The following LRRC38 variants were observed in gnomAD, a reference collection of about 807,000 sequenced individuals.
LRRC38 encodes leucine rich repeat containing 38.
LRRC38 carries 5 observed loss-of-function variants against 16.4 expected under a neutral mutation model. That is an observed-to-expected ratio of 0.31 (90% confidence interval 0.16 to 0.64). The LOEUF is 0.64. Ranked by LOEUF, LRRC38 falls within the 30% of genes least tolerant of loss-of-function variation. LRRC38 has a pLI of 0.80. For missense variants in LRRC38, 341 were observed against 401.8 expected, an observed-to-expected ratio of 0.85 and a Z score of 1.29; for synonymous variants, 191 against 190.2, an observed-to-expected ratio of 1.00 and a Z score of -0.04.
intron 1 of LRRC38, among the ~76,000 whole-genome samples, chr1:13,486,787 C>T (rs1434197710): frequency 1.3e-5 from 2 of 152,178 alleles, no homozygotes; most frequent in South Asian, 2.1e-4. Flanking sequence ...GACGAGATTT[C>T]GCCATGTTGC....
chr1:13,513,695 G>T lies in LRRC38; in HGVS notation c.-102C>A. On this transcript the variant is annotated 5_prime_UTR_variant, in exon 1 of 2. Transcript: ENST00000376085. ...AGGCACTGGCTGCCGGGCGCGGGGA[G>T]CCAGAGGGCGGCCCGGGCGGGGAGG... The T allele has an allele frequency of 1.3e-6, 1 of 784,066 alleles. No individual in the cohort carries two copies. Among genetic ancestry groups the T allele is most frequent in the Non-Finnish European group, 1.6e-6 (1 of 642,604 alleles). The allele number at this position is 784,066 out of a possible 1,614,324, so 48.6% of individuals were successfully genotyped here.
At position 13,487,641 on chromosome 1, in the gene LRRC38, T is replaced by C. The variant is rs1638951891; in HGVS notation, c.632-11542A>G. Among the ~76,000 whole-genome samples, 1 of 152,158 alleles carries C rather than the reference T, an allele frequency of 6.6e-6. No homozygotes were observed. Among genetic ancestry groups the C allele is most frequent in the African/African-American group, 2.4e-5 (1 of 41,440 alleles). On this transcript the variant is annotated intron_variant, in intron 1 of 1. Transcript: ENST00000376085. This position sits in a 1 kb window ranked among gnomAD's most constrained non-coding sequence, Gnocchi z 4.4. ...CCCGTCACCACCTGTCTGGGCTCCC[T>C]CCCCTTGAGTGATGACTTCTCCCCA... is the stretch of plus-strand genomic sequence containing the variant.
intron 1 of LRRC38, 36 bp from the exon 2 acceptor site, chr1:13,476,135 AC>A: frequency 6.5e-7 from 1 of 1,544,246 alleles, no homozygotes; most frequent in Non-Finnish European, 8.8e-7. Flanking sequence ...AGAGATTTAG[AC>A]TGCAGCTCAA....
At chr1:13,481,780 CCTCT>C (rs1158837798) in intron 1 of LRRC38, among the ~76,000 whole-genome samples, 1 of 58,348 alleles carries the variant, frequency 1.7e-5, no homozygotes, top group African/African-American at 1.6e-4. Context: ...TCCCTCTCTC[CCTCT>C]CTCCCTCTCT....
At chr1:13,503,515 C>T (rs560602819) in intron 1 of LRRC38, among the ~76,000 whole-genome samples, 3 of 152,256 alleles carry the variant, frequency 2.0e-5, no homozygotes, top group South Asian at 2.1e-4. Flanking sequence ...GTGATCTGCC[C>T]GCCTCAGCCT....
At position 13,476,002 on chromosome 1, in the gene LRRC38, C is replaced by T. The variant is rs1638783802; in HGVS notation, c.729G>A (p.Leu243=). 11 of 1,550,458 alleles carry T rather than the reference C, an allele frequency of 7.1e-6. No homozygotes were observed. The highest frequency in any genetic ancestry group is 9.6e-6 in the Non-Finnish European group (11 of 1,147,008). The change falls in exon 2 of 2, where the codon CTG becomes CTA. Residue 243 remains leucine (L), a synonymous_variant. Transcript: ENST00000376085. ...TGATGATGCAGAGGTCTGTGAGTGA[C>T]AGGCTGAACCTACACTCGCTGAAGC... ...EASFSECRFS[L]SLTDLCIIIF...
intron 1 of LRRC38, among the ~76,000 whole-genome samples, chr1:13,477,296 C>G (rs1217371091): frequency 3.9e-5 from 6 of 152,168 alleles, no homozygotes; most frequent in Non-Finnish European, 2.9e-5. Flanking sequence ...TTGCCATGTA[C>G]AAGGCCCTGG....
chr1:13,476,032 C>T lies in LRRC38; in HGVS notation c.699G>A (p.Glu233=). ...SRRISLRELS[E]ASFSECRFSL... is the part of the protein sequence containing the mutation. ...TGAACCTACACTCGCTGAAGCTGGC[C>T]TCCGACAGCTCACGCAGGGATATCC... is the stretch of plus-strand genomic sequence containing the variant. Residue 233 remains glutamate (E), a synonymous_variant, in exon 2 of 2, where the codon GAG becomes GAA. Coordinates refer to ENST00000376085, the MANE Select transcript of LRRC38 (RefSeq NM_001010847.2). 1.3e-6 allele frequency: 2 copies of T among 1,550,438 alleles called. No individual in the cohort carries two copies. Among genetic ancestry groups the T allele is most frequent in the Non-Finnish European group, 1.7e-6 (2 of 1,146,944 alleles).
At chr1:13,505,095 T>C (rs1204123730) in intron 1 of LRRC38, among the ~76,000 whole-genome samples, 1 of 152,180 alleles carries the variant, frequency 6.6e-6, no homozygotes, top group Admixed American at 6.5e-5. Flanking sequence ...TGTGAATTGA[T>C]AAGCAAAGCT....
chr1:13,503,134 G>T (rs1425308606), intron 1 of LRRC38, among the ~76,000 whole-genome samples: 1 of 152,190 alleles, frequency 6.6e-6, no homozygotes. Flanking sequence ...AGAGGTCCCA[G>T]CATCAGCTTA....
intron 1 of LRRC38, among the ~76,000 whole-genome samples, chr1:13,499,997 T>TC (rs1557502792): frequency 2.0e-5 from 3 of 152,006 alleles, no homozygotes; most frequent in African/African-American, 2.4e-5. Context: ...ATGCCTGTAA[T>TC]CCCAGCACTT....
chr1:13,490,591 C>A (rs1338317898), intron 1 of LRRC38, among the ~76,000 whole-genome samples: 1 of 152,314 alleles, frequency 6.6e-6, no homozygotes, highest in East Asian at 1.9e-4. Flanking sequence ...CCTCCACCCC[C>A]ACCCGCTCCA....
intron 1 of LRRC38, among the ~76,000 whole-genome samples, chr1:13,483,703 G>T (rs1638895757): frequency 6.6e-6 from 1 of 152,202 alleles, no homozygotes; most frequent in Non-Finnish European, 1.5e-5. Context: ...GCCAGGCCCA[G>T]CCACCTTGAG....
intron 1 of LRRC38, among the ~76,000 whole-genome samples, chr1:13,511,330 G>A (rs1012378248): frequency 1.3e-5 from 2 of 152,118 alleles, no homozygotes; most frequent in Non-Finnish European, 2.9e-5. Flanking sequence ...CCCACCCAGA[G>A]TCCCCCAGAT....
At chr1:13,488,886 C>T (rs1351974336) in intron 1 of LRRC38, among the ~76,000 whole-genome samples, 2 of 152,018 alleles carry the variant, frequency 1.3e-5, no homozygotes, top group Non-Finnish European at 1.5e-5. Context: ...GAAGTATGGT[C>T]GATCCAGCCC....
chr1:13,483,944 CGGGGA>C (rs1296449547), intron 1 of LRRC38, among the ~76,000 whole-genome samples: 2 of 82,844 alleles, frequency 2.4e-5, no homozygotes, highest in African/African-American at 4.6e-5. Flanking sequence ...AGGGGAGGAG[CGGGGA>C]GGGGAGGGGA....
rs546057046 is a variant in LRRC38 at position 13,476,184 on chromosome 1, C to G, written c.632-85G>C. 436 of 1,335,226 alleles carry G rather than the reference C, an allele frequency of 3.3e-4. 3 individuals carry two copies. The South Asian group carries it at 5.5e-3, about 17-fold the overall frequency. The allele number at this position is 1,335,226 out of a possible 1,614,324, so 82.7% of individuals were successfully genotyped here. ...GTTGACAAGGCAGGTGCTTACAAAG[C>G]CAGCAATGTGCAAGCATCCTCCCAA... On this transcript the variant is annotated intron_variant, in intron 1 of 1. Coordinates refer to ENST00000376085, the MANE Select transcript of LRRC38 (RefSeq NM_001010847.2).
At chr1:13,494,093 C>T (rs1018171884) in intron 1 of LRRC38, among the ~76,000 whole-genome samples, 1 of 152,146 alleles carries the variant, frequency 6.6e-6, no homozygotes, top group Non-Finnish European at 1.5e-5. Context: ...GGATGTCTGA[C>T]CTCCAGAACT....
intron 1 of LRRC38, among the ~76,000 whole-genome samples, chr1:13,502,353 T>C (rs1335372657): frequency 2.6e-5 from 4 of 152,170 alleles, no homozygotes; most frequent in African/African-American, 9.6e-5. Context: ...TCCAGGGAAC[T>C]TGCTTCTTTC....
Sources: allele counts gnomAD v4.1 joint callset (sites outside exome capture counted in the v4.1 genomes callset), GRCh38; gene constraint gnomAD v4.1.1; non-coding constraint Gnocchi (gnomAD v3.1); transcripts MANE v1.5; gene names NCBI Gene and HGNC (gene_info 2026-07-23, HGNC 2026-07-21).